The following SLC5A4 variants were observed in gnomAD, a reference collection of about 807,000 sequenced individuals.
SLC5A4 encodes probable glucose sensor protein SLC5A4.
In SLC5A4, 55 loss-of-function variants were observed where a neutral mutation model predicts 70.3. That is an observed-to-expected ratio of 0.78 (90% CI 0.63 to 0.98). The LOEUF (loss-of-function observed/expected upper bound fraction) is 0.98. Among genes scored for constraint, SLC5A4 ranks in the 50% least tolerant of loss-of-function variants. SLC5A4 has a pLI of 0.00. For synonymous variants in SLC5A4, 268 were observed against 305.7 expected (o/e 0.88, Z 1.29); for missense variants, 735 against 839.2 (o/e 0.88, Z 1.53).
At chr22:32,283,559 A>G in the SLC5A4 span, among the ~76,000 whole-genome samples, 1 of 152,196 alleles carries the variant, frequency 6.6e-6, no homozygotes. Context: ...ACCAAGGCCA[A>G]TTTTAAACTA....
At chr22:32,290,096 T>G in the SLC5A4 span, among the ~76,000 whole-genome samples, 1 of 152,156 alleles carries the variant, frequency 6.6e-6, no homozygotes. Context: ...TTTACTTTTA[T>G]TTTACTTTAA....
the SLC5A4 span, among the ~76,000 whole-genome samples, chr22:32,324,034 G>T: frequency 1.3e-5 from 2 of 152,114 alleles, no homozygotes; most frequent in African/African-American, 4.8e-5. Context: ...AAGCAGCTTT[G>T]GTCACTCCCT....
chr22:32,237,463 G>T, intron 6 of SLC5A4, 139 bp from the exon 7 acceptor site: 1 of 586,300 alleles, frequency 1.7e-6, no homozygotes, highest in Non-Finnish European at 3.0e-6. Context: ...TGAGCCACAA[G>T]CTTGTCCTGG....
chr22:32,223,169 G>A (rs1925187119), intron 13 of SLC5A4, among the ~76,000 whole-genome samples: 2 of 152,144 alleles, frequency 1.3e-5, no homozygotes, highest in African/African-American at 4.8e-5. Flanking sequence ...TCAGTGCCCT[G>A]TGTTTGTGTG....
the SLC5A4 span, among the ~76,000 whole-genome samples, chr22:32,283,922 ATT>A: frequency 6.6e-6 from 1 of 152,248 alleles, no homozygotes; most frequent in African/African-American, 2.4e-5. Flanking sequence ...TTATGCAACT[ATT>A]TAAAAGAATG....
the SLC5A4 span, among the ~76,000 whole-genome samples, chr22:32,302,024 A>G: frequency 6.6e-6 from 1 of 152,196 alleles, no homozygotes; most frequent in Non-Finnish European, 1.5e-5. Flanking sequence ...CTAAAACTAT[A>G]AAGTTCTTAG....
intron 3 of SLC5A4, among the ~76,000 whole-genome samples, chr22:32,251,263 TGTACCACCAA>T (rs1383358265): frequency 6.6e-5 from 10 of 150,966 alleles, no homozygotes; most frequent in East Asian, 3.9e-4. Context: ...GGTTTCAACG[TGTACCACCAA>T]GTTCATGTGT....
At chr22:32,325,459 A>G in the SLC5A4 span, among the ~76,000 whole-genome samples, 1 of 152,350 alleles carries the variant, frequency 6.6e-6, no homozygotes, top group African/African-American at 2.4e-5. Context: ...CAGATGGAAC[A>G]GCCTCAGCCA....
At chr22:32,218,828 A>G (rs1924883621) in intron 14 of SLC5A4, 103 bp from the exon 15 acceptor site, 9 of 799,952 alleles carry the variant, frequency 1.1e-5, no homozygotes, top group Non-Finnish European at 1.4e-5. Context: ...GATTACAATC[A>G]GCTGGGAGTG....
the SLC5A4 span, among the ~76,000 whole-genome samples, chr22:32,316,942 G>C: frequency 6.6e-6 from 1 of 151,026 alleles, no homozygotes; most frequent in African/African-American, 2.4e-5. Flanking sequence ...CTCTGTGTGT[G>C]TGTGTGTGTG....
chr22:32,269,757 G>A, the SLC5A4 span: 2 of 653,692 alleles, frequency 3.1e-6, no homozygotes, highest in Non-Finnish European at 2.9e-6. This position sits in a 1 kb window ranked among gnomAD's most constrained non-coding sequence, Gnocchi z 4.1. Context: ...CACCCAGCTG[G>A]GTGTGTGAAT....
the SLC5A4 span, among the ~76,000 whole-genome samples, chr22:32,354,253 CTG>C: frequency 2.3e-3 from 340 of 146,324 alleles, 2 homozygotes; most frequent in African/African-American, 8.4e-3. Flanking sequence ...CCTGCTATCT[CTG>C]TCTCAGTGTA....
At chr22:32,309,658 CA>C in the SLC5A4 span, among the ~76,000 whole-genome samples, 6 of 152,072 alleles carry the variant, frequency 3.9e-5, no homozygotes, top group Non-Finnish European at 8.8e-5. Context: ...ATTGAATACA[CA>C]CACACACCTG....
chr22:32,247,783 C>T (rs1926919514), intron 4 of SLC5A4, among the ~76,000 whole-genome samples: 1 of 152,224 alleles, frequency 6.6e-6, no homozygotes, highest in African/African-American at 2.4e-5. Flanking sequence ...ATCTGCAGAT[C>T]TCACTTTCCC....
At chr22:32,228,431 A>G (rs958600427) in intron 11 of SLC5A4, among the ~76,000 whole-genome samples, 4 of 151,718 alleles carry the variant, frequency 2.6e-5, no homozygotes, top group Non-Finnish European at 5.9e-5. Flanking sequence ...AATCCCAGTT[A>G]CTCAGGAGGC....
chr22:32,300,874 A>G, the SLC5A4 span, among the ~76,000 whole-genome samples: 3 of 152,182 alleles, frequency 2.0e-5, no homozygotes, highest in African/African-American at 7.2e-5. Flanking sequence ...CATAAACATT[A>G]TTTACAGGTT....
chr22:32,303,760 A>G, the SLC5A4 span, among the ~76,000 whole-genome samples: 1 of 152,178 alleles, frequency 6.6e-6, no homozygotes, highest in Non-Finnish European at 1.5e-5. Flanking sequence ...AAAGCTATAA[A>G]CACCCATGTG....
chr22:32,339,914 C>A, the SLC5A4 span, among the ~76,000 whole-genome samples: 9 of 152,244 alleles, frequency 5.9e-5, no homozygotes, highest in Non-Finnish European at 1.2e-4. Context: ...CCCCGAGGTT[C>A]TGCCCTGGGG....
chr22:32,236,758 G>A (rs1459502607), intron 7 of SLC5A4, among the ~76,000 whole-genome samples: 1 of 149,470 alleles, frequency 6.7e-6, no homozygotes, highest in East Asian at 2.0e-4. Context: ...AGGCTGGAGT[G>A]CAGTGGCGCC....
Sources: gnomAD v4.1 joint callset for allele counts (sites outside exome capture counted in the v4.1 genomes callset) on GRCh38, gnomAD v4.1.1 for gene constraint, Gnocchi (gnomAD v3.1) non-coding constraint, MANE v1.5 for transcripts, NCBI Gene and HGNC (gene_info 2026-07-23, HGNC 2026-07-21) for gene names.